DLG2: variants seen among roughly 807,000 people sequenced by gnomAD.
DLG2 encodes disks large homolog 2.
Under a neutral mutation model 132.5 loss-of-function variants are expected in DLG2, and 45 were observed. The observed-to-expected ratio is 0.34, with a 90% CI of 0.27 to 0.44. The LOEUF (loss-of-function observed/expected upper bound fraction) is 0.44. Ranked by LOEUF, DLG2 falls within the 20% of genes least tolerant of loss-of-function variation. DLG2 has a pLI of 1.00. For synonymous variants in DLG2, 424 were observed against 419.6 expected, an observed-to-expected ratio of 1.01 and a Z score of -0.13; for missense variants, 1,045 against 1,196.9, an observed-to-expected ratio of 0.87 and a Z score of 1.87.
Position 84,760,299 on chromosome 11 carries a change from C to T in DLG2, c.358-225568G>A, listed in dbSNP as rs529993031. 8.5e-5 allele frequency among the ~76,000 whole-genome samples: 13 copies of T among 152,270 alleles called. 1 individual carries two copies. The highest frequency in any genetic ancestry group is 4.1e-4 in the South Asian group (2 of 4,824). ...CAAACTCACTGTTTTGATAAAGGTT[C>T]GGCTTTAGCCTTCTGAGTCTTCTAA... On this transcript the variant is annotated intron_variant, in intron 6 of 27. Coordinates refer to ENST00000376104, the MANE Select transcript of DLG2 (RefSeq NM_001142699.3).
intron 6 of DLG2, among the ~76,000 whole-genome samples, chr11:84,680,509 A>T (rs2099726243): frequency 1.3e-5 from 2 of 152,142 alleles, no homozygotes; most frequent in African/African-American, 4.8e-5. Context: ...ATTCAAACTA[A>T]TCTTGAAATC....
chr11:83,489,887 G>GAGAT lies in DLG2; in HGVS notation c.2194-5663_2194-5660dup, dbSNP rs565145297. On this transcript the variant is annotated intron_variant, in intron 21 of 27. Transcript: ENST00000376104. ...AGGGTTGTCACTGTGAAAGAAAGGTGAGATACAAACGTGGTACGGAGGAAG... is the reference window on the plus strand; with the variant it reads ...AGGGTTGTCACTGTGAAAGAAAGGTGAGATAGATACAAACGTGGTACGGAGGAAG... Among the ~76,000 whole-genome samples, 33 of 152,070 alleles carry GAGAT rather than the reference G, an allele frequency of 2.2e-4. No homozygotes were observed. In the South Asian group the frequency reaches 6.6e-3, roughly 31 times the overall value.
chr11:83,488,008 C>G (rs1350901265), intron 21 of DLG2, among the ~76,000 whole-genome samples: 4 of 151,758 alleles, frequency 2.6e-5, no homozygotes, highest in African/African-American at 9.7e-5. Flanking sequence ...GTGATGGTGG[C>G]ATAACTCTAT....
chr11:84,452,677 C>T (rs1439872082), intron 7 of DLG2, among the ~76,000 whole-genome samples: 1 of 151,670 alleles, frequency 6.6e-6, no homozygotes, highest in Non-Finnish European at 1.5e-5. Flanking sequence ...TGACTCCAAA[C>T]ATTTTGACCT....
At chr11:83,520,479 A>G (rs981927823) in intron 21 of DLG2, among the ~76,000 whole-genome samples, 3 of 152,168 alleles carry the variant, frequency 2.0e-5, no homozygotes, top group African/African-American at 4.8e-5. Context: ...CTTAGTCATG[A>G]TATACCTTTC....
At chr11:85,237,295 G>C (rs1164318593) in intron 4 of DLG2, among the ~76,000 whole-genome samples, 2 of 151,994 alleles carry the variant, frequency 1.3e-5, no homozygotes, top group Middle Eastern at 3.2e-3. Context: ...TTGTTTTCTG[G>C]TATTAATTAA....
intron 6 of DLG2, among the ~76,000 whole-genome samples, chr11:84,615,880 T>A (rs545331442): frequency 6.8e-6 from 1 of 147,648 alleles, no homozygotes; most frequent in East Asian, 2.0e-4. Context: ...CATTCAGTCA[T>A]TTATCATTCA....
At chr11:83,666,643 A>C (rs986874513) in intron 18 of DLG2, among the ~76,000 whole-genome samples, 4 of 152,312 alleles carry the variant, frequency 2.6e-5, no homozygotes, top group African/African-American at 9.6e-5. Flanking sequence ...TTATCCAGTA[A>C]GATTTCCAGA....
chr11:85,492,848 G>C (rs576189317), intron 3 of DLG2, among the ~76,000 whole-genome samples: 3 of 152,066 alleles, frequency 2.0e-5, no homozygotes, highest in African/African-American at 7.2e-5. Flanking sequence ...GGTTGATAGG[G>C]AGAAACATCA....
chr11:85,369,793 C>T (rs973403404), intron 3 of DLG2, among the ~76,000 whole-genome samples: 2 of 152,162 alleles, frequency 1.3e-5, no homozygotes, highest in Non-Finnish European at 2.9e-5. Flanking sequence ...TTTTCTTCTG[C>T]CTGTCTGTGT....
chr11:85,462,619 G>A (rs1237987947), intron 3 of DLG2, among the ~76,000 whole-genome samples: 1 of 152,072 alleles, frequency 6.6e-6, no homozygotes, highest in African/African-American at 2.4e-5. Flanking sequence ...CATGGACACA[G>A]GAAGGGGAAC....
chr11:83,489,874 G>A (rs1034000310), intron 21 of DLG2, among the ~76,000 whole-genome samples: 1 of 151,940 alleles, frequency 6.6e-6, no homozygotes, highest in Non-Finnish European at 1.5e-5. Context: ...GGTTGTCACT[G>A]TGAAAGAAAG....
intron 18 of DLG2, among the ~76,000 whole-genome samples, chr11:83,714,573 T>C (rs916068682): frequency 6.6e-6 from 1 of 152,216 alleles, no homozygotes; most frequent in Non-Finnish European, 1.5e-5. Flanking sequence ...CATACTAGGC[T>C]ACTTAACCTC....
chr11:84,220,777 T>C (rs901948225), intron 8 of DLG2, among the ~76,000 whole-genome samples: 5 of 127,108 alleles, frequency 3.9e-5, no homozygotes, highest in African/African-American at 1.4e-4. Flanking sequence ...TTCTTTTTCT[T>C]TTCTTTTTTT....
At chr11:83,868,385 C>A (rs1426602215) in intron 16 of DLG2, among the ~76,000 whole-genome samples, 1 of 152,094 alleles carries the variant, frequency 6.6e-6, no homozygotes, top group Non-Finnish European at 1.5e-5. Flanking sequence ...AGTTTGATTT[C>A]TTCCGATCAT....
Position 84,009,227 on chromosome 11 carries a change from G to T in DLG2, c.920-28585C>A, listed in dbSNP as rs376029192. 6.5e-4 allele frequency among the ~76,000 whole-genome samples: 99 copies of T among 151,826 alleles called. 1 individual carries two copies. The highest frequency in any genetic ancestry group is 2.3e-3 in the African/African-American group (97 of 41,446). ...AAGTTGGAATATGCCTAGAAGTTTC[G>T]AAATGTTAAGATATAAATCCCTCTC... On this transcript the variant is annotated intron_variant, in intron 11 of 27. Coordinates refer to ENST00000376104, the MANE Select transcript of DLG2 (RefSeq NM_001142699.3).
intron 4 of DLG2, among the ~76,000 whole-genome samples, chr11:85,237,957 A>G (rs1389488164): frequency 6.6e-6 from 1 of 152,070 alleles, no homozygotes; most frequent in African/African-American, 2.4e-5. Context: ...TGTACAAAAT[A>G]TTATAGTAGA....
intron 3 of DLG2, among the ~76,000 whole-genome samples, chr11:85,323,046 A>C (rs2081190269): frequency 6.6e-6 from 1 of 152,220 alleles, no homozygotes; most frequent in Non-Finnish European, 1.5e-5. Context: ...AACAATTCTT[A>C]ATATGGCCTG....
chr11:85,549,288 A>G (rs536204031), intron 3 of DLG2, among the ~76,000 whole-genome samples: 81 of 151,794 alleles, frequency 5.3e-4, no homozygotes, highest in African/African-American at 1.9e-3. Flanking sequence ...CCCTGCTTCC[A>G]CTCGCCCTCC....
Sources: gnomAD v4.1 joint callset for allele counts (sites outside exome capture counted in the v4.1 genomes callset) on GRCh38, gnomAD v4.1.1 for gene constraint, MANE v1.5 for transcripts, NCBI Gene and HGNC (gene_info 2026-07-23, HGNC 2026-07-21) for gene names.